Variants in ENPP2 observed in about 807,000 individuals in gnomAD.
ENPP2 encodes the protein autotaxin.
ENPP2 carries 51 observed loss-of-function variants against 120.2 expected under a neutral mutation model. That is an observed-to-expected ratio of 0.42 (90% CI 0.34 to 0.54). The LOEUF (loss-of-function observed/expected upper bound fraction) is 0.54. ENPP2 is among the 20% of genes least tolerant of loss of function. The pLI is 0.04. For missense variants in ENPP2, 920 were observed against 1,066.5 expected, an observed-to-expected ratio of 0.86 and a Z score of 1.91; for synonymous variants, 365 against 366.4, an observed-to-expected ratio of 1.00 and a Z score of 0.04.
At chr8:119,637,400 T>C (rs1817063653) in intron 2 of ENPP2, among the ~76,000 whole-genome samples, 1 of 152,194 alleles carries the variant, frequency 6.6e-6, no homozygotes, top group African/African-American at 2.4e-5. Flanking sequence ...TCTTTCAACC[T>C]ACTGGCATGA....
At chr8:119,657,410 T>C (rs1248219746) in intron 1 of ENPP2, among the ~76,000 whole-genome samples, 3 of 152,216 alleles carry the variant, frequency 2.0e-5, no homozygotes, top group Non-Finnish European at 2.9e-5. Context: ...CTTACTAAAC[T>C]GAAAGTTTCC....
In ENPP2 at chr8:119,608,850, C is replaced by T. The variant is rs563689402; in HGVS notation, c.778-873G>A. On this transcript the variant is annotated intron_variant, in intron 8 of 24. Coordinates refer to ENST00000075322, the MANE Select transcript of ENPP2 (RefSeq NM_001040092.3). ...AGTGTCTTAACATCTGGCAAACACT[C>T]GATAAATTTACATATTTATTGTTAT... 5.3e-5 allele frequency among the ~76,000 whole-genome samples: 8 copies of T among 152,132 alleles called. 1 individual carries two copies. The highest frequency in any genetic ancestry group is 1.4e-4 in the African/African-American group (6 of 41,520).
At chr8:119,671,687 T>C (rs1229629049) in intron 1 of ENPP2, among the ~76,000 whole-genome samples, 2 of 152,276 alleles carry the variant, frequency 1.3e-5, no homozygotes, top group African/African-American at 2.4e-5. Flanking sequence ...AGGTGCTCTA[T>C]GGAACATCAA....
intron 8 of ENPP2, among the ~76,000 whole-genome samples, chr8:119,611,712 T>C (rs897768792): frequency 2.6e-5 from 4 of 152,082 alleles, no homozygotes; most frequent in African/African-American, 7.2e-5. Context: ...AAAGCAGACC[T>C]GTGAATAACC....
At chr8:119,666,995 G>A (rs1202040878) in intron 1 of ENPP2, among the ~76,000 whole-genome samples, 1 of 152,104 alleles carries the variant, frequency 6.6e-6, no homozygotes, top group Non-Finnish European at 1.5e-5. Flanking sequence ...CTAAAAGAAT[G>A]TCAGGGGTCG....
At position 119,582,411 on chromosome 8, in the gene ENPP2, T is replaced by G; in HGVS notation, c.1728+7A>C. 1 of 1,610,640 alleles carries G rather than the reference T, an allele frequency of 6.2e-7. No homozygotes were observed. On this transcript the variant is annotated splice_region_variant and intron_variant, in intron 18 of 24. Coordinates refer to ENST00000075322, the MANE Select transcript of ENPP2 (RefSeq NM_001040092.3). ...TTCTCCATAATAAACATAAAGATTATTTCTACCTTTGGCTCTACCTTATCA... is the reference window on the plus strand; with the variant it reads ...TTCTCCATAATAAACATAAAGATTAGTTCTACCTTTGGCTCTACCTTATCA...
At chr8:119,663,375 G>A (rs1005789267) in intron 1 of ENPP2, among the ~76,000 whole-genome samples, 1 of 152,130 alleles carries the variant, frequency 6.6e-6, no homozygotes, top group East Asian at 1.9e-4. Context: ...TACAGATAGG[G>A]CTGCCAGGTA....
chr8:119,609,280 T>C (rs900225072), intron 8 of ENPP2, among the ~76,000 whole-genome samples: 4 of 152,118 alleles, frequency 2.6e-5, no homozygotes, highest in African/African-American at 4.8e-5. Context: ...TAACAGCTAC[T>C]GTAGCTGGCA....
In ENPP2 at chr8:119,621,057, G is replaced by C. The variant is rs1426173942; in HGVS notation, c.418+337C>G. 2.6e-5 allele frequency among the ~76,000 whole-genome samples: 4 copies of C among 152,156 alleles called. No homozygotes were observed. The East Asian group carries it at 5.8e-4, about 22-fold the overall frequency. Reference sequence around the variant, plus strand: ...TTTCCTCCGACATGGTTTTCCTGCAGTATATCCGTTTCCTCAATAAACTGC... The same window carrying C: ...TTTCCTCCGACATGGTTTTCCTGCACTATATCCGTTTCCTCAATAAACTGC... On this transcript the variant is annotated intron_variant, in intron 4 of 24. Coordinates refer to ENST00000075322, the MANE Select transcript of ENPP2 (RefSeq NM_001040092.3).
At chr8:119,573,116 T>G (rs1182475129) in intron 19 of ENPP2, 1 of 152,172 alleles carries the variant, frequency 6.6e-6, no homozygotes, top group East Asian at 1.9e-4. Context: ...ATCTTAAGAT[T>G]CATTTTCTCT....
At chr8:119,633,522 A>G (rs1182846214) in intron 2 of ENPP2, among the ~76,000 whole-genome samples, 2 of 151,210 alleles carry the variant, frequency 1.3e-5, no homozygotes, top group Admixed American at 6.6e-5. Context: ...AGCATAACCC[A>G]CAGGGCAAGG....
chr8:119,626,734 GAGGCAAA>G lies in ENPP2; in HGVS notation c.137-21_137-15del. 6.2e-7 allele frequency: 1 copy of G among 1,613,450 alleles called. No individual in the cohort carries two copies. Among genetic ancestry groups the G allele is most frequent in the South Asian group, 1.1e-5 (1 of 91,048 alleles). ...AGTCTGATAGCACTGCAAAGAACAAGAGGCAAAAACAATGGACTGGAGAGTGGTCATG... is the reference window on the plus strand; with the variant it reads ...AGTCTGATAGCACTGCAAAGAACAAGAACAATGGACTGGAGAGTGGTCATG... On this transcript the variant is annotated splice_polypyrimidine_tract_variant and intron_variant, in intron 2 of 24. Coordinates refer to ENST00000075322, the MANE Select transcript of ENPP2 (RefSeq NM_001040092.3).
At chr8:119,638,384 AT>A in intron 2 of ENPP2, 40 bp downstream of exon 2, 2 of 994,554 alleles carry the variant, frequency 2.0e-6, no homozygotes, top group Non-Finnish European at 3.2e-6. Context: ...CGTATGTAAT[AT>A]TTTTAAAAAA....
intron 19 of ENPP2, among the ~76,000 whole-genome samples, chr8:119,575,154 G>A (rs1812244374): frequency 6.6e-6 from 1 of 152,092 alleles, no homozygotes; most frequent in Non-Finnish European, 1.5e-5. Flanking sequence ...AAGGTACACT[G>A]GGCAGGTCAG....
intron 24 of ENPP2, among the ~76,000 whole-genome samples, chr8:119,561,587 C>G (rs72688208): frequency 0.16 from 24,636 of 152,050 alleles, 2,503 homozygotes; most frequent in Non-Finnish European, 0.23. Context: ...TAGTACAGGG[C>G]CAGGAGCATA....
chr8:119,661,484 T>A (rs1482447921), intron 1 of ENPP2, among the ~76,000 whole-genome samples: 2 of 152,168 alleles, frequency 1.3e-5, no homozygotes, highest in Non-Finnish European at 2.9e-5. Flanking sequence ...CCTGTTAGAA[T>A]ATCTGCTATC....
intron 16 of ENPP2, 28 bp downstream of exon 16, chr8:119,583,934 A>G (rs767465637): frequency 1.9e-6 from 3 of 1,566,560 alleles, no homozygotes; most frequent in African/African-American, 1.4e-5. Context: ...CTAAAACACA[A>G]TTTCAATTCA....
intron 8 of ENPP2, 142 bp downstream of exon 8, chr8:119,616,123 T>C (rs1815439388): frequency 4.7e-6 from 3 of 641,548 alleles, no homozygotes; most frequent in African/African-American, 1.8e-5. Flanking sequence ...TTTGTATGTA[T>C]ATTAAAAGTA....
chr8:119,560,134 TC>T (rs1813813193), intron 24 of ENPP2, among the ~76,000 whole-genome samples: 1 of 152,170 alleles, frequency 6.6e-6, no homozygotes, highest in Non-Finnish European at 1.5e-5. Flanking sequence ...GAACATCTAT[TC>T]CCCAGGAATC....
Sources: allele counts gnomAD v4.1 joint callset (sites outside exome capture counted in the v4.1 genomes callset), GRCh38; gene constraint gnomAD v4.1.1; transcripts MANE v1.5; gene names NCBI Gene and HGNC (gene_info 2026-07-23, HGNC 2026-07-21).